CNTN4: variants seen among roughly 807,000 people sequenced by gnomAD.
The protein encoded by CNTN4 is contactin-4.
A neutral mutation model predicts 122.5 loss-of-function variants in CNTN4; 77 were observed. That is an observed-to-expected ratio of 0.63 (90% confidence interval 0.52 to 0.76). The LOEUF (loss-of-function observed/expected upper bound fraction) is 0.76, where lower values mean the gene tolerates loss of function less well. Ranked by LOEUF, CNTN4 falls within the 30% of genes least tolerant of loss-of-function variation. The pLI is 0.00. For synonymous variants in CNTN4, 512 were observed against 447.0 expected, an observed-to-expected ratio of 1.15 and a Z score of -1.83; for missense variants, 1,256 against 1,259.1, an observed-to-expected ratio of 1.00 and a Z score of 0.04.
chr3:2,305,685 A>G (rs888299841), intron 2 of CNTN4, among the ~76,000 whole-genome samples: 2 of 152,154 alleles, frequency 1.3e-5, no homozygotes, highest in Non-Finnish European at 2.9e-5. Flanking sequence ...TACGCAAGTC[A>G]GTGGTTTGTA....
At chr3:2,442,739 C>T (rs1166435062) in intron 3 of CNTN4, among the ~76,000 whole-genome samples, 2 of 152,018 alleles carry the variant, frequency 1.3e-5, no homozygotes, top group Admixed American at 6.6e-5. Context: ...GTGATAGATC[C>T]ACTAGTACTA....
At chr3:2,324,285 T>C (rs1406033977) in intron 2 of CNTN4, among the ~76,000 whole-genome samples, 1 of 41,756 alleles carries the variant, frequency 2.4e-5, no homozygotes, top group Non-Finnish European at 6.9e-5. Flanking sequence ...AAGAAATAAC[T>C]GGATGTGTCT....
chr3:2,974,676 C>A (rs1207067542), intron 13 of CNTN4, among the ~76,000 whole-genome samples: 1 of 152,188 alleles, frequency 6.6e-6, no homozygotes, highest in African/African-American at 2.4e-5. Context: ...AGTTTCTGTG[C>A]TTCCCAGAAG....
chr3:2,318,781 A>G (rs1369102924), intron 2 of CNTN4, among the ~76,000 whole-genome samples: 3 of 152,114 alleles, frequency 2.0e-5, no homozygotes, highest in East Asian at 1.9e-4. Context: ...CTGGGACTGC[A>G]TGTGCATGCC....
At chr3:2,541,307 G>C (rs1347581966) in intron 3 of CNTN4, among the ~76,000 whole-genome samples, 3 of 151,980 alleles carry the variant, frequency 2.0e-5, no homozygotes, top group African/African-American at 4.8e-5. Flanking sequence ...GTGAGGTGAG[G>C]CTATAAAAAA....
chr3:2,581,118 A>T (rs995809156), intron 4 of CNTN4, among the ~76,000 whole-genome samples: 6 of 152,196 alleles, frequency 3.9e-5, no homozygotes, highest in African/African-American at 1.4e-4. Flanking sequence ...TTTGGGGCTC[A>T]GGCCCAGACT....
intron 2 of CNTN4, among the ~76,000 whole-genome samples, chr3:2,171,329 A>G (rs1177303718): frequency 6.6e-6 from 1 of 152,152 alleles, no homozygotes; most frequent in Non-Finnish European, 1.5e-5. Context: ...GGACAAAAAC[A>G]CTCATAAAAT....
chr3:2,864,381 A>T (rs1405803611), intron 7 of CNTN4, among the ~76,000 whole-genome samples: 1 of 152,108 alleles, frequency 6.6e-6, no homozygotes, highest in Non-Finnish European at 1.5e-5. Context: ...CTCCCGCAGA[A>T]TTCAGAGAGC....
chr3:2,145,490 G>T (rs953945567), intron 2 of CNTN4, among the ~76,000 whole-genome samples: 1 of 152,204 alleles, frequency 6.6e-6, no homozygotes, highest in African/African-American at 2.4e-5. Flanking sequence ...TAATAGTGTG[G>T]CAAGGTGAGA....
At chr3:2,524,331 G>A (rs892780303) in intron 3 of CNTN4, among the ~76,000 whole-genome samples, 10 of 151,920 alleles carry the variant, frequency 6.6e-5, no homozygotes, top group Admixed American at 3.9e-4. Flanking sequence ...CCTTTTTATG[G>A]CCAAATAATA....
At chr3:2,563,452 T>C (rs1158836014) in intron 3 of CNTN4, among the ~76,000 whole-genome samples, 2 of 152,234 alleles carry the variant, frequency 1.3e-5, no homozygotes, top group African/African-American at 4.8e-5. Flanking sequence ...AACTACTATA[T>C]AGTAAATGCT....
intron 4 of CNTN4, among the ~76,000 whole-genome samples, chr3:2,646,201 TAGA>T (rs2083111730): frequency 6.6e-6 from 1 of 152,066 alleles, no homozygotes; most frequent in South Asian, 2.1e-4. Flanking sequence ...GATCCAACAA[TAGA>T]AGATGTTCAG....
At chr3:2,331,789 C>G (rs1315065821) in intron 2 of CNTN4, among the ~76,000 whole-genome samples, 2 of 152,090 alleles carry the variant, frequency 1.3e-5, no homozygotes, top group African/African-American at 4.8e-5. Context: ...ATGAAGGTTG[C>G]CAGGTGGAGA....
chr3:2,921,853 C>T (rs2094432599), intron 12 of CNTN4, among the ~76,000 whole-genome samples: 1 of 152,130 alleles, frequency 6.6e-6, no homozygotes, highest in Non-Finnish European at 1.5e-5. Context: ...CTATTGGCCA[C>T]TTAAAATACC....
intron 6 of CNTN4, among the ~76,000 whole-genome samples, chr3:2,752,707 T>C (rs4685552): frequency 0.6 from 90,504 of 152,008 alleles, 29,139 homozygotes; most frequent in Non-Finnish European, 0.73. Flanking sequence ...CAAGAACTTA[T>C]CCCTCCTATC....
intron 17 of CNTN4, among the ~76,000 whole-genome samples, chr3:3,036,495 G>C (rs1462282554): frequency 6.6e-6 from 1 of 152,132 alleles, no homozygotes; most frequent in Non-Finnish European, 1.5e-5. Context: ...AGGCGCAGTG[G>C]CTCACAACTG....
At chr3:2,335,350 G>T (rs761503984) in intron 2 of CNTN4, among the ~76,000 whole-genome samples, 1 of 152,032 alleles carries the variant, frequency 6.6e-6, no homozygotes, top group Non-Finnish European at 1.5e-5. Flanking sequence ...AGTATGAACT[G>T]GGCAGTGTTC....
chr3:2,824,594 G>T (rs149325508), intron 7 of CNTN4, among the ~76,000 whole-genome samples: 1 of 152,174 alleles, frequency 6.6e-6, no homozygotes, highest in Non-Finnish European at 1.5e-5. Flanking sequence ...GGAGTGCTTC[G>T]ATTTCCACAT....
chr3:2,785,895 G>GCCCCCCCCCCCCCCA, intron 6 of CNTN4, among the ~76,000 whole-genome samples: 1 of 81,668 alleles, frequency 1.2e-5, no homozygotes, highest in South Asian at 5.3e-4. Flanking sequence ...GGCCCACGCT[G>GCCCCCCCCCCCCCCA]CCCCCCCCCG....
Sources: allele counts gnomAD v4.1 joint callset (sites outside exome capture counted in the v4.1 genomes callset), GRCh38; gene constraint gnomAD v4.1.1; transcripts MANE v1.5; gene names NCBI Gene and HGNC (gene_info 2026-07-23, HGNC 2026-07-21).